The following PRH1 variants were observed in gnomAD, a reference collection of about 807,000 sequenced individuals.
PRH1 encodes the protein proline rich protein HaeIII subfamily 1, also known as salivary acidic proline-rich phosphoprotein 1/2.
Under a neutral mutation model 7.9 loss-of-function variants are expected in PRH1, and 7 were observed. The observed-to-expected ratio is 0.89, with a 90% CI of 0.50 to 1.67. PRH1 has a LOEUF of 1.67. Ranked by LOEUF, PRH1 falls within the 40% of genes most tolerant of loss-of-function variation. The pLI is 0.00. For synonymous variants in PRH1, 45 were observed against 80.8 expected, an observed-to-expected ratio of 0.56 and a Z score of 2.38; for missense variants, 109 against 223.6, an observed-to-expected ratio of 0.49 and a Z score of 3.27.
intron 2 of PRH1, among the ~76,000 whole-genome samples, chr12:10,970,952 T>A (rs146595560): frequency 2.0e-5 from 3 of 152,248 alleles, no homozygotes; most frequent in Non-Finnish European, 4.4e-5. Flanking sequence ...GTTCTATCTA[T>A]GAGAATATGT....
intron 2 of PRH1, among the ~76,000 whole-genome samples, chr12:10,963,257 C>A (rs180710085): frequency 1.3e-3 from 200 of 152,040 alleles, no homozygotes; most frequent in Non-Finnish European, 1.9e-3. Context: ...TATAATAGAA[C>A]TTGCTATCAC....
intron 1 of PRH1, among the ~76,000 whole-genome samples, chr12:11,169,398 T>C (rs767900224): frequency 1.3e-5 from 2 of 152,140 alleles, no homozygotes; most frequent in Non-Finnish European, 2.9e-5. Flanking sequence ...GGAGTAGGAT[T>C]TGGAGCTTTG....
At chr12:11,053,163 A>C (rs1427603105) in intron 1 of PRH1, among the ~76,000 whole-genome samples, 1 of 152,286 alleles carries the variant, frequency 6.6e-6, no homozygotes, top group Non-Finnish European at 1.5e-5. Context: ...GGATTTCAAA[A>C]TATCATTGCA....
chr12:10,924,504 G>A (rs762546243), intron 2 of PRH1, among the ~76,000 whole-genome samples: 1 of 152,192 alleles, frequency 6.6e-6, no homozygotes, highest in African/African-American at 2.4e-5. Flanking sequence ...CATCTACAAT[G>A]ATCCAACTCA....
At chr12:10,979,255 A>G (rs1349425022) in intron 1 of PRH1, among the ~76,000 whole-genome samples, 2 of 152,178 alleles carry the variant, frequency 1.3e-5, no homozygotes, top group Non-Finnish European at 2.9e-5. Flanking sequence ...ACCTAAAATA[A>G]AATCTAAAAA....
chr12:10,916,268 A>T (rs1949971201), intron 2 of PRH1, among the ~76,000 whole-genome samples: 1 of 114,448 alleles, frequency 8.7e-6, no homozygotes. Flanking sequence ...CCTCCCCATG[A>T]CACATGGGAA....
At chr12:11,132,778 C>A (rs1946398834) in intron 1 of PRH1, among the ~76,000 whole-genome samples, 1 of 152,188 alleles carries the variant, frequency 6.6e-6, no homozygotes, top group Non-Finnish European at 1.5e-5. Flanking sequence ...AATAGGAATT[C>A]ATAATGGAAT....
At chr12:10,938,422 A>T (rs1460408030) in intron 2 of PRH1, 1 of 1,614,072 alleles carries the variant, frequency 6.2e-7, no homozygotes, top group Non-Finnish European at 8.5e-7. Flanking sequence ...GGGAAAGAAT[A>T]ATTAGATTTT....
chr12:11,075,974 T>C (rs1052087334), intron 1 of PRH1, among the ~76,000 whole-genome samples: 1 of 120,736 alleles, frequency 8.3e-6, no homozygotes, highest in Admixed American at 8.3e-5. Context: ...AGATATGACC[T>C]CTCTTTTTAT....
At chr12:11,043,205 A>G (rs1942781699) in intron 1 of PRH1, among the ~76,000 whole-genome samples, 1 of 152,232 alleles carries the variant, frequency 6.6e-6, no homozygotes, top group African/African-American at 2.4e-5. Flanking sequence ...CCATATGATC[A>G]TTTAAATTAA....
At chr12:10,909,985 T>C (rs1949871642) in intron 2 of PRH1, among the ~76,000 whole-genome samples, 1 of 152,172 alleles carries the variant, frequency 6.6e-6, no homozygotes, top group South Asian at 2.1e-4. Flanking sequence ...TCACATTTTA[T>C]CCGCTTTTCC....
intron 2 of PRH1, among the ~76,000 whole-genome samples, chr12:10,946,817 A>G (rs1325809768): frequency 6.6e-6 from 1 of 152,214 alleles, no homozygotes; most frequent in African/African-American, 2.4e-5. Context: ...GTTGTGTCTC[A>G]GAGATTCTGG....
rs75302552 is a variant in PRH1 at position 11,060,045 on chromosome 12, A to G, written n.124-12857T>C. Among the ~76,000 whole-genome samples the G allele has an allele frequency of 6.4e-4, 97 of 152,204 alleles. No individual in the cohort carries two copies. In the East Asian group the frequency reaches 0.013, roughly 21 times the overall value. ...TCTGATTTTACAGTTCTTACATTGT[A>G]CTGAGGAAGATACATGATTTTAAAA... is the stretch of plus-strand genomic sequence containing the variant. On this transcript the variant is annotated intron_variant and non_coding_transcript_variant, in intron 1 of 4. Transcript: ENST00000541977.
chr12:10,909,358 G>T, intron 2 of PRH1: 1 of 1,218,140 alleles, frequency 8.2e-7, no homozygotes, highest in Non-Finnish European at 1.2e-6. Flanking sequence ...GATCTAAAAT[G>T]CTATTCACAT....
chr12:11,078,093 A>G (rs1179456235), intron 1 of PRH1: 2 of 633,388 alleles, frequency 3.2e-6, no homozygotes, highest in Non-Finnish European at 6.0e-6. Context: ...AGACCACCAG[A>G]GCAGTGAGGA....
intron 2 of PRH1, among the ~76,000 whole-genome samples, chr12:10,910,836 T>A (rs141802623): frequency 4.9e-4 from 75 of 152,326 alleles, no homozygotes; most frequent in African/African-American, 1.7e-3. Context: ...AAGATATAAT[T>A]TGTGAATTAT....
chr12:10,938,713 G>T (rs1315109161), intron 2 of PRH1: 1 of 1,613,638 alleles, frequency 6.2e-7, no homozygotes, highest in Non-Finnish European at 8.5e-7. Context: ...AATCAGAACT[G>T]CAAGTCTTGT....
intron 1 of PRH1, among the ~76,000 whole-genome samples, chr12:11,164,441 C>G (rs1018675776): frequency 1.3e-5 from 2 of 152,134 alleles, no homozygotes; most frequent in Non-Finnish European, 2.9e-5. Context: ...TAATGAATCC[C>G]TTTTTACACA....
At chr12:11,144,683 G>A (rs1197900290) in intron 1 of PRH1, among the ~76,000 whole-genome samples, 2 of 152,194 alleles carry the variant, frequency 1.3e-5, no homozygotes, top group African/African-American at 4.8e-5. Context: ...TTTACCCCCT[G>A]CTCCTCTGGC....
Sources: gnomAD v4.1 joint callset for allele counts (sites outside exome capture counted in the v4.1 genomes callset) on GRCh38, gnomAD v4.1.1 for gene constraint, MANE v1.5 for transcripts, NCBI Gene and HGNC (gene_info 2026-07-23, HGNC 2026-07-21) for gene names.